ENPP6: variants seen among roughly 807,000 people sequenced by gnomAD.
ENPP6 encodes glycerophosphocholine cholinephosphodiesterase ENPP6.
ENPP6 carries 32 observed loss-of-function variants against 42.0 expected under a neutral mutation model. That is an observed-to-expected ratio of 0.76 (90% confidence interval 0.58 to 1.02). The LOEUF (loss-of-function observed/expected upper bound fraction) is 1.02, where lower values mean the gene tolerates loss of function less well. Among genes scored for constraint, ENPP6 ranks in the 50% least tolerant of loss-of-function variants. The pLI is 0.00. For synonymous variants in ENPP6, 213 were observed against 216.0 expected (o/e 0.99, Z 0.12); for missense variants, 552 against 566.8 (o/e 0.97, Z 0.27).
At chr4:184,190,423 A>G (rs1467638091) in intron 1 of ENPP6, among the ~76,000 whole-genome samples, 1 of 152,166 alleles carries the variant, frequency 6.6e-6, no homozygotes, top group African/African-American at 2.4e-5. Flanking sequence ...TCGGGGAGAT[A>G]TGTCTGAGCT....
intron 1 of ENPP6, among the ~76,000 whole-genome samples, chr4:184,200,290 C>T (rs1176847548): frequency 6.6e-6 from 1 of 152,218 alleles, no homozygotes; most frequent in Non-Finnish European, 1.5e-5. Flanking sequence ...GACGTCCGGA[C>T]CCACTCGGCA....
At chr4:184,183,152 C>T (rs1419732320) in intron 1 of ENPP6, among the ~76,000 whole-genome samples, 1 of 152,170 alleles carries the variant, frequency 6.6e-6, no homozygotes, top group East Asian at 1.9e-4. Flanking sequence ...TTTGCCTGCA[C>T]GATGTGCATG....
At chr4:184,116,747 A>AAC (rs1240086545) in intron 5 of ENPP6, 109 bp downstream of exon 5, 23 of 1,423,742 alleles carry the variant, frequency 1.6e-5, no homozygotes, top group South Asian at 9.7e-5. Flanking sequence ...AAAAGAAACA[A>AAC]ACACACACAC....
At position 184,115,047 on chromosome 4, in the gene ENPP6, A is replaced by G. The variant is rs140648571; in HGVS notation, c.855+1809T>C. ...TAGGCTCCGTGAGTTATGATTTTCTACTTAAGGAAATCCGGAGTTCTTAAG... is the reference window on the plus strand; with the variant it reads ...TAGGCTCCGTGAGTTATGATTTTCTGCTTAAGGAAATCCGGAGTTCTTAAG... On this transcript the variant is annotated intron_variant, in intron 5 of 7. Coordinates refer to ENST00000296741, the MANE Select transcript of ENPP6 (RefSeq NM_153343.4). Among the ~76,000 whole-genome samples, 26 of 152,198 alleles carry G rather than the reference A, an allele frequency of 1.7e-4. No individual in the cohort carries two copies. In the East Asian group the frequency reaches 4.8e-3, roughly 28 times the overall value.
At chr4:184,190,713 C>A (rs1041634756) in intron 1 of ENPP6, among the ~76,000 whole-genome samples, 1 of 151,990 alleles carries the variant, frequency 6.6e-6, no homozygotes, top group Non-Finnish European at 1.5e-5. Context: ...CTCATTGGGA[C>A]CACCATGCCC....
chr4:184,158,735 T>C (rs968149736), intron 1 of ENPP6, among the ~76,000 whole-genome samples: 3 of 152,356 alleles, frequency 2.0e-5, no homozygotes, highest in Middle Eastern at 6.8e-3. Flanking sequence ...TCCTTTGTGC[T>C]TTCAATGTCA....
chr4:184,164,029 G>T (rs573621391), intron 1 of ENPP6, among the ~76,000 whole-genome samples: 2 of 152,196 alleles, frequency 1.3e-5, no homozygotes, highest in Admixed American at 1.3e-4. Context: ...TTATAACAAC[G>T]TGTGACAGCA....
At chr4:184,164,951 G>T (rs372980496) in intron 1 of ENPP6, among the ~76,000 whole-genome samples, 2 of 152,146 alleles carry the variant, frequency 1.3e-5, no homozygotes, top group Non-Finnish European at 2.9e-5. Context: ...CACTCCACGC[G>T]ATTCCCAGCA....
At chr4:184,207,635 G>A (rs1733023245) in intron 1 of ENPP6, among the ~76,000 whole-genome samples, 1 of 152,220 alleles carries the variant, frequency 6.6e-6, no homozygotes, top group African/African-American at 2.4e-5. Context: ...CACCACGCCG[G>A]TGGCTGTTTC....
chr4:184,178,701 A>G (rs1732492031), intron 1 of ENPP6, among the ~76,000 whole-genome samples: 2 of 152,254 alleles, frequency 1.3e-5, no homozygotes, highest in Non-Finnish European at 1.5e-5. Context: ...TACAAGCCAG[A>G]AGAGACTGGG....
At chr4:184,141,750 C>T (rs530139018) in intron 2 of ENPP6, among the ~76,000 whole-genome samples, 17 of 152,204 alleles carry the variant, frequency 1.1e-4, no homozygotes, top group Non-Finnish European at 1.8e-4. Flanking sequence ...TCACTAAACC[C>T]ATAGGCTTTT....
intron 2 of ENPP6, among the ~76,000 whole-genome samples, chr4:184,151,261 T>C (rs1030895962): frequency 2.0e-5 from 3 of 152,168 alleles, no homozygotes; most frequent in African/African-American, 7.2e-5. Context: ...TCACTTGACC[T>C]GGGGAGGCAG....
intron 6 of ENPP6, 147 bp downstream of exon 6, chr4:184,112,525 T>C: frequency 9.6e-7 from 1 of 1,042,702 alleles, no homozygotes; most frequent in Non-Finnish European, 1.3e-6. Context: ...TCAAGACTTT[T>C]GATTCTCTAA....
chr4:184,207,129 T>C (rs1733014913), intron 1 of ENPP6, among the ~76,000 whole-genome samples: 3 of 152,226 alleles, frequency 2.0e-5, no homozygotes, highest in Admixed American at 1.3e-4. Context: ...CTTTATTTAC[T>C]AGTGTCTAAA....
chr4:184,191,367 G>A (rs1732710780), intron 1 of ENPP6, among the ~76,000 whole-genome samples: 1 of 152,226 alleles, frequency 6.6e-6, no homozygotes, highest in Non-Finnish European at 1.5e-5. Flanking sequence ...ACTGAGCATA[G>A]CACAAAATAC....
At chr4:184,206,251 ATTT>A (rs1554000365) in intron 1 of ENPP6, among the ~76,000 whole-genome samples, 4 of 93,408 alleles carry the variant, frequency 4.3e-5, no homozygotes, top group East Asian at 3.4e-4. Context: ...GGAAGCTTGA[ATTT>A]TTTTTTTTTT....
chr4:184,103,857 C>T (rs891260502), intron 6 of ENPP6, among the ~76,000 whole-genome samples: 4 of 152,162 alleles, frequency 2.6e-5, no homozygotes, highest in African/African-American at 9.7e-5. Flanking sequence ...GCCTGCTGGC[C>T]TGACCCCAGC....
intron 5 of ENPP6, among the ~76,000 whole-genome samples, chr4:184,113,899 T>TCTTC (rs1736257073): frequency 1.9e-5 from 2 of 103,626 alleles, no homozygotes; most frequent in African/African-American, 3.8e-5. Flanking sequence ...CCTTTCTTTC[T>TCTTC]TTTCTTTCTT....
At chr4:184,095,378 G>A (rs1377935858) in intron 7 of ENPP6, among the ~76,000 whole-genome samples, 2 of 152,010 alleles carry the variant, frequency 1.3e-5, no homozygotes, top group African/African-American at 2.4e-5. Context: ...CCTGAGACTC[G>A]GCTGGGCGTG....
Sources: gnomAD v4.1 joint callset for allele counts (sites outside exome capture counted in the v4.1 genomes callset) on GRCh38, gnomAD v4.1.1 for gene constraint, MANE v1.5 for transcripts, NCBI Gene and HGNC (gene_info 2026-07-23, HGNC 2026-07-21) for gene names.